Variants in PATJ observed in about 807,000 individuals in gnomAD.
PATJ encodes inaD-like protein.
Under a neutral mutation model 224.9 loss-of-function variants are expected in PATJ, and 190 were observed. That is an observed-to-expected ratio of 0.84 (90% CI 0.75 to 0.95). The LOEUF (loss-of-function observed/expected upper bound fraction) is 0.95, where lower values mean the gene tolerates loss of function less well. PATJ is among the 40% of genes least tolerant of loss of function. The probability of loss-of-function intolerance (pLI) is 0.00; values close to 1 mark genes in which losing one functional copy is unlikely to be tolerated. For synonymous variants in PATJ, 769 were observed against 820.3 expected (o/e 0.94, Z 1.07); for missense variants, 2,121 against 2,270.3 (o/e 0.93, Z 1.34).
chr1:62,106,058 A>AG (rs1662880889), intron 33 of PATJ, among the ~76,000 whole-genome samples: 1 of 41,298 alleles, frequency 2.4e-5, no homozygotes, highest in Non-Finnish European at 5.0e-5. Context: ...AAAAAAAAAA[A>AG]AAAAAATATA....
chr1:61,749,019 C>T (rs1461355050), intron 1 of PATJ, among the ~76,000 whole-genome samples: 1 of 151,804 alleles, frequency 6.6e-6, no homozygotes, highest in Non-Finnish European at 1.5e-5. Flanking sequence ...TGGAGTTGCC[C>T]AGGCTGCAGT....
At chr1:61,805,793 A>G (rs892662647) in intron 13 of PATJ, among the ~76,000 whole-genome samples, 6 of 152,242 alleles carry the variant, frequency 3.9e-5, no homozygotes, top group Non-Finnish European at 8.8e-5. Flanking sequence ...GACAATAGAC[A>G]GAAAACTGTT....
chr1:61,891,463 C>T (rs1669599623), intron 22 of PATJ, among the ~76,000 whole-genome samples: 1 of 152,098 alleles, frequency 6.6e-6, no homozygotes, highest in African/African-American at 2.4e-5. Flanking sequence ...GAGGGCTACT[C>T]TGGAGTGTGA....
At chr1:61,974,042 C>T (rs902096110) in intron 27 of PATJ, among the ~76,000 whole-genome samples, 2 of 151,066 alleles carry the variant, frequency 1.3e-5, no homozygotes, top group Admixed American at 1.3e-4. Flanking sequence ...CCAGAGATTT[C>T]GACTTTGTAG....
chr1:62,103,587 T>C (rs1275609042), intron 33 of PATJ, among the ~76,000 whole-genome samples: 4 of 152,080 alleles, frequency 2.6e-5, no homozygotes, highest in African/African-American at 4.8e-5. Context: ...ACCTCATCTC[T>C]ACTAAAAAAT....
chr1:61,973,719 G>T (rs969945856), intron 27 of PATJ, among the ~76,000 whole-genome samples: 1 of 151,926 alleles, frequency 6.6e-6, no homozygotes, highest in African/African-American at 2.4e-5. Context: ...CTTTCATAGT[G>T]ATTAAAGGAC....
At chr1:62,103,897 A>G (rs1243157514) in intron 33 of PATJ, among the ~76,000 whole-genome samples, 1 of 152,156 alleles carries the variant, frequency 6.6e-6, no homozygotes, top group Admixed American at 6.5e-5. Context: ...CCCAAGTCCC[A>G]CGGCCAACAG....
intron 17 of PATJ, among the ~76,000 whole-genome samples, chr1:61,849,846 TTTTG>T (rs1662538733): frequency 6.6e-6 from 1 of 152,222 alleles, no homozygotes; most frequent in Admixed American, 6.5e-5. Flanking sequence ...ATATTCTTCA[TTTTG>T]AATGTAGTTA....
At chr1:62,029,300 C>T (rs1259211225) in intron 29 of PATJ, among the ~76,000 whole-genome samples, 1 of 152,202 alleles carries the variant, frequency 6.6e-6, no homozygotes, top group African/African-American at 2.4e-5. Flanking sequence ...CATACACACA[C>T]TGCCTGTTAC....
chr1:61,811,331 C>T (rs1388755844), intron 14 of PATJ, among the ~76,000 whole-genome samples: 2 of 151,964 alleles, frequency 1.3e-5, no homozygotes, highest in East Asian at 1.9e-4. Flanking sequence ...TGGGTTCAAG[C>T]GATTCTCCTG....
intron 30 of PATJ, 57 bp from the exon 31 acceptor site, chr1:62,050,909 C>A: frequency 7.9e-7 from 1 of 1,266,214 alleles, no homozygotes; most frequent in Non-Finnish European, 1.2e-6. Flanking sequence ...CTGTACAATT[C>A]GAGGGAGTGT....
chr1:62,018,578 A>G lies in PATJ; in HGVS notation c.3959+631A>G, dbSNP rs1646907908. On this transcript the variant is annotated intron_variant, in intron 29 of 43. Transcript: ENST00000642238. This position sits in a 1 kb window ranked among gnomAD's most constrained non-coding sequence, Gnocchi z 4.2. ...TGATTCTCTTTACTGGACTGAAATGACAAGTAAATCTGAATTACTTTTAGG... is the reference window on the plus strand; with the variant it reads ...TGATTCTCTTTACTGGACTGAAATGGCAAGTAAATCTGAATTACTTTTAGG... Among the ~76,000 whole-genome samples, 1 of 152,200 alleles carries G rather than the reference A, an allele frequency of 6.6e-6. No individual in the cohort carries two copies. The highest frequency in any genetic ancestry group is 2.4e-5 in the African/African-American group (1 of 41,464).
At chr1:61,875,586 A>G in intron 21 of PATJ, 1 of 373,856 alleles carries the variant, frequency 2.7e-6, no homozygotes, top group Non-Finnish European at 4.9e-6. Flanking sequence ...AGAAGGCTAC[A>G]TTTTCTCTGC....
intron 28 of PATJ, among the ~76,000 whole-genome samples, chr1:61,999,695 A>C (rs536882127): frequency 6.6e-6 from 1 of 152,196 alleles, no homozygotes; most frequent in South Asian, 2.1e-4. Flanking sequence ...AGAAACCAGT[A>C]TATAAGAGAG....
chr1:61,894,227 C>G (rs1035214597), intron 22 of PATJ, among the ~76,000 whole-genome samples: 5 of 150,984 alleles, frequency 3.3e-5, no homozygotes, highest in Non-Finnish European at 5.9e-5. Flanking sequence ...GCACTCCAGC[C>G]TGGGCAACAA....
intron 27 of PATJ, among the ~76,000 whole-genome samples, chr1:61,988,413 G>A (rs1232796100): frequency 6.6e-6 from 1 of 152,152 alleles, no homozygotes; most frequent in Admixed American, 6.5e-5. Context: ...TGTAATGCAT[G>A]TCTTACATGT....
chr1:61,991,421 G>A, intron 28 of PATJ: 1 of 840,914 alleles, frequency 1.2e-6, no homozygotes, highest in Non-Finnish European at 1.4e-6. Context: ...GACACTGAGT[G>A]TTAGACTGCT....
intron 42 of PATJ, among the ~76,000 whole-genome samples, chr1:62,150,669 CCT>C (rs1397494582): frequency 7.9e-6 from 1 of 126,344 alleles, no homozygotes; most frequent in Non-Finnish European, 1.7e-5. Flanking sequence ...AGAACAAGAC[CCT>C]GTCTCAAGAA....
chr1:61,854,155 C>T (rs959101421), intron 17 of PATJ, among the ~76,000 whole-genome samples: 5 of 152,236 alleles, frequency 3.3e-5, no homozygotes, highest in South Asian at 2.1e-4. Flanking sequence ...CAGACATAGC[C>T]GGGAACTTGG....
Sources: allele counts gnomAD v4.1 joint callset (sites outside exome capture counted in the v4.1 genomes callset), GRCh38; gene constraint gnomAD v4.1.1; non-coding constraint Gnocchi (gnomAD v3.1); transcripts MANE v1.5; gene names NCBI Gene and HGNC (gene_info 2026-07-23, HGNC 2026-07-21).